Variants in UGT1A8 observed in about 807,000 individuals in gnomAD.
UGT1A8 encodes the protein UDP-glucuronosyltransferase 1A8.
A neutral mutation model predicts 45.3 loss-of-function variants in UGT1A8; 39 were observed. That is an observed-to-expected ratio of 0.86 (90% CI 0.67 to 1.12). The LOEUF is 1.12. UGT1A8 is among the 50% of genes most tolerant of loss of function. The pLI, the probability that UGT1A8 is intolerant of heterozygous loss-of-function variation, is 0.00. For missense variants in UGT1A8, 719 were observed against 664.9 expected (o/e 1.08, Z -0.90); for synonymous variants, 275 against 249.2 (o/e 1.10, Z -0.97).
intron 1 of UGT1A8, among the ~76,000 whole-genome samples, chr2:233,627,309 G>A (rs1005179264): frequency 6.6e-6 from 1 of 151,918 alleles, no homozygotes; most frequent in Non-Finnish European, 1.5e-5. Flanking sequence ...GGCAGAGGCT[G>A]CTTCTCCTGT....
At chr2:233,705,828 A>T (rs968618860) in intron 1 of UGT1A8, among the ~76,000 whole-genome samples, 2 of 152,176 alleles carry the variant, frequency 1.3e-5, no homozygotes, top group Admixed American at 1.3e-4. Flanking sequence ...GGCCGAGCAC[A>T]GTGGCTGGAG....
At chr2:233,743,457 A>C in intron 1 of UGT1A8, 1 of 1,366,076 alleles carries the variant, frequency 7.3e-7, no homozygotes. Context: ...AAGAAGAAAA[A>C]ACACCCCCAA....
chr2:233,764,212 A>G (rs903605972), intron 1 of UGT1A8, among the ~76,000 whole-genome samples: 1 of 152,176 alleles, frequency 6.6e-6, no homozygotes, highest in Non-Finnish European at 1.5e-5. Context: ...TTTTCTTTGA[A>G]GGGAATCAAT....
rs1350462977 is a variant in UGT1A8, at chr2:233,675,425, T to A, written c.855+56863T>A. Among the ~76,000 whole-genome samples, 4 of 152,200 alleles carry A rather than the reference T, an allele frequency of 2.6e-5. No individual in the cohort carries two copies. In the East Asian group the frequency reaches 7.7e-4, roughly 29 times the overall value. On this transcript the variant is annotated intron_variant, in intron 1 of 4. Coordinates refer to ENST00000373450, the MANE Select transcript of UGT1A8 (RefSeq NM_019076.5). ...GATGAGTTCCAACAGAATTAATGAC[T>A]GGTTTTAGGTGAAAAGAATTCAGGC... is the stretch of plus-strand genomic sequence containing the variant.
intron 1 of UGT1A8, among the ~76,000 whole-genome samples, chr2:233,639,561 G>A (rs546353903): frequency 6.6e-6 from 1 of 152,342 alleles, no homozygotes; most frequent in Admixed American, 6.5e-5. Flanking sequence ...TGATGAGAAG[G>A]AAGCATTACT....
chr2:233,728,564 A>T (rs2077727018), intron 1 of UGT1A8, among the ~76,000 whole-genome samples: 1 of 152,200 alleles, frequency 6.6e-6, no homozygotes, highest in Non-Finnish European at 1.5e-5. Flanking sequence ...TACAAGAAAT[A>T]TCCTGGTGCG....
intron 1 of UGT1A8, among the ~76,000 whole-genome samples, chr2:233,694,477 G>C (rs1005897043): frequency 3.3e-5 from 5 of 152,126 alleles, no homozygotes; most frequent in Non-Finnish European, 7.4e-5. Flanking sequence ...TATGGCCTCT[G>C]ACCTAAGACA....
chr2:233,620,185 T>C (rs920228640), intron 1 of UGT1A8, among the ~76,000 whole-genome samples: 7 of 152,232 alleles, frequency 4.6e-5, no homozygotes, highest in Non-Finnish European at 8.8e-5. Context: ...GAAATAATGC[T>C]CTTTCTAAAA....
At chr2:233,631,259 G>A (rs1431116974) in intron 1 of UGT1A8, among the ~76,000 whole-genome samples, 1 of 152,124 alleles carries the variant, frequency 6.6e-6, no homozygotes, top group Non-Finnish European at 1.5e-5. Context: ...ATTTGAGTTG[G>A]TTCCAAGTCT....
intron 1 of UGT1A8, among the ~76,000 whole-genome samples, chr2:233,633,240 G>A (rs931717065): frequency 6.6e-6 from 1 of 152,138 alleles, no homozygotes; most frequent in South Asian, 2.1e-4. Flanking sequence ...ATTTGCCATC[G>A]ATGTTCATCA....
At chr2:233,727,488 T>C (rs2077620726) in intron 1 of UGT1A8, among the ~76,000 whole-genome samples, 1 of 151,840 alleles carries the variant, frequency 6.6e-6, no homozygotes, top group Non-Finnish European at 1.5e-5. Context: ...TACTTGGAGG[T>C]AGAACATGGG....
At chr2:233,618,694 T>C in intron 1 of UGT1A8, 132 bp downstream of exon 1, 1 of 1,492,676 alleles carries the variant, frequency 6.7e-7, no homozygotes, top group African/African-American at 1.4e-5. Context: ...ACAGATTATT[T>C]TGTGCCAATT....
chr2:233,716,176 C>T (rs1228231664), intron 1 of UGT1A8, among the ~76,000 whole-genome samples: 1 of 152,126 alleles, frequency 6.6e-6, no homozygotes, highest in Non-Finnish European at 1.5e-5. Flanking sequence ...GCAGCATCTT[C>T]AAGTCTCTAA....
At chr2:233,708,938 C>T (rs1169885161) in intron 1 of UGT1A8, among the ~76,000 whole-genome samples, 1 of 152,136 alleles carries the variant, frequency 6.6e-6, no homozygotes, top group African/African-American at 2.4e-5. Context: ...AACTATGTCA[C>T]CAGAACCCAT....
intron 1 of UGT1A8, among the ~76,000 whole-genome samples, chr2:233,697,886 A>G (rs2075415828): frequency 6.6e-6 from 1 of 152,190 alleles, no homozygotes; most frequent in Non-Finnish European, 1.5e-5. Flanking sequence ...CTTACCATTG[A>G]TTGAATCAAA....
At chr2:233,679,214 T>A (rs573307529) in intron 1 of UGT1A8, among the ~76,000 whole-genome samples, 7 of 152,224 alleles carry the variant, frequency 4.6e-5, no homozygotes, top group Non-Finnish European at 1.0e-4. Flanking sequence ...GGGTTCTGGG[T>A]GGCTAGGGAA....
At chr2:233,631,868 G>T (rs776567457) in intron 1 of UGT1A8, among the ~76,000 whole-genome samples, 10 of 151,982 alleles carry the variant, frequency 6.6e-5, no homozygotes, top group Non-Finnish European at 1.3e-4. Flanking sequence ...TTGGCTTTTG[G>T]TTGTCATTGC....
chr2:233,704,589 A>G (rs2075798846), intron 1 of UGT1A8, among the ~76,000 whole-genome samples: 1 of 152,206 alleles, frequency 6.6e-6, no homozygotes. Flanking sequence ...ATCAGAGAGA[A>G]GAAAGAAGAG....
rs115421913 is a variant in UGT1A8, at chr2:233,687,928, T to C, written c.855+69366T>C. On this transcript the variant is annotated intron_variant, in intron 1 of 4. Transcript: ENST00000373450. ...GTCTCAAAATAAATAAATCAATAAA[T>C]ACATGAATAAATAAAATTTAAAAAT... Among the ~76,000 whole-genome samples, 670 of 152,294 alleles carry C rather than the reference T, an allele frequency of 4.4e-3. 8 individuals are homozygous for C. Among genetic ancestry groups the C allele is most frequent in the African/African-American group, 0.015 (635 of 41,574 alleles).
Sources: allele counts gnomAD v4.1 joint callset (sites outside exome capture counted in the v4.1 genomes callset), GRCh38; gene constraint gnomAD v4.1.1; transcripts MANE v1.5; gene names NCBI Gene and HGNC (gene_info 2026-07-23, HGNC 2026-07-21).